APOL5: variants seen among roughly 807,000 people sequenced by gnomAD.
APOL5 encodes the protein apolipoprotein L, 5.
A neutral mutation model predicts 35.5 loss-of-function variants in APOL5; 29 were observed. That is an observed-to-expected ratio of 0.82 (90% CI 0.61 to 1.11). The LOEUF is 1.11. Ranked by LOEUF, APOL5 falls within the 50% of genes most tolerant of loss-of-function variation. APOL5 has a pLI of 0.00. For missense variants in APOL5, 514 were observed against 530.4 expected (o/e 0.97, Z 0.30); for synonymous variants, 188 against 200.2 (o/e 0.94, Z 0.51).
At chr22:35,724,286 CA>C (rs111417764) in intron 2 of APOL5, among the ~76,000 whole-genome samples, 1,142 of 111,082 alleles carry the variant, frequency 0.01, 9 homozygotes, top group African/African-American at 0.025. Flanking sequence ...AGCCCTGTCT[CA>C]AAAAAAAAAA....
intron 4 of APOL5, 125 bp downstream of exon 4, chr22:35,729,029 T>C (rs1280154196): frequency 8.8e-7 from 1 of 1,132,186 alleles, no homozygotes; most frequent in Admixed American, 3.6e-5. Flanking sequence ...TGTTGCTACC[T>C]TTCCATCCGG....
At chr22:35,721,280 C>T (rs555124307) in intron 2 of APOL5, among the ~76,000 whole-genome samples, 2 of 152,248 alleles carry the variant, frequency 1.3e-5, no homozygotes, top group East Asian at 3.9e-4. Flanking sequence ...CGGTGGCTCA[C>T]GCTTGAAATC....
At chr22:35,716,533 A>G (rs1223187208), upstream of APOL5, among the ~76,000 whole-genome samples, 1 of 152,232 alleles carries the variant, frequency 6.6e-6, no homozygotes, top group Non-Finnish European at 1.5e-5. Context: ...AAGTGCTGGG[A>G]TTACAGGCGT....
chr22:35,721,985 T>C (rs910969860), intron 2 of APOL5, among the ~76,000 whole-genome samples: 1 of 152,222 alleles, frequency 6.6e-6, no homozygotes, highest in African/African-American at 2.4e-5. Context: ...CAGACACAGG[T>C]ACAGTTATTG....
At chr22:35,724,184 C>T (rs5999980) in intron 2 of APOL5, among the ~76,000 whole-genome samples, 15,092 of 151,500 alleles carry the variant, frequency 0.1, 2,548 homozygotes, top group African/African-American at 0.35. Flanking sequence ...AAGTAAGTGT[C>T]GCTAGGTGTG....
chr22:35,728,590 TG>T (rs1216280200), intron 3 of APOL5, 132 bp from the exon 4 acceptor site: 4 of 1,020,728 alleles, frequency 3.9e-6, no homozygotes, highest in Non-Finnish European at 5.6e-6. Flanking sequence ...CCCACTGCCC[TG>T]GGGCGGGAGG....
the APOL5 span, among the ~76,000 whole-genome samples, chr22:35,708,533 A>G: frequency 6.3e-3 from 967 of 152,292 alleles, 12 homozygotes; most frequent in African/African-American, 0.021. Context: ...AATGATTTAC[A>G]CGGTAAAATC....
At chr22:35,722,634 A>G (rs899197767) in intron 2 of APOL5, among the ~76,000 whole-genome samples, 18 of 152,078 alleles carry the variant, frequency 1.2e-4, no homozygotes, top group East Asian at 3.9e-4. Context: ...CACTAACTCA[A>G]TTGTAATCAG....
intron 2 of APOL5, among the ~76,000 whole-genome samples, chr22:35,725,500 G>A (rs1386569778): frequency 3.3e-5 from 5 of 152,042 alleles, no homozygotes; most frequent in South Asian, 4.2e-4. Context: ...TGATCCGCTC[G>A]CCTGGGCCTC....
chr22:35,726,107 C>T lies in APOL5; in HGVS notation c.143-104C>T. On this transcript the variant is annotated intron_variant, in intron 2 of 4. Transcript: ENST00000249044. ...ACCCCTTTCACTGCTGTAATTTCCC[C>T]ACTGTTAGAATTTTTGCAAAGGTGG... The T allele has an allele frequency of 2.2e-6, 3 of 1,336,574 alleles. No homozygotes were observed. In the South Asian group the frequency reaches 4.3e-5, roughly 19 times the overall value. The allele number at this position is 1,336,574 out of a possible 1,614,324, so 82.8% of individuals were successfully genotyped here.
rs1279820356 is a variant in APOL5 at position 35,726,545 on chromosome 22, A to C, written c.477A>C (p.Ala159=). Reference sequence around the variant, plus strand: ...TGAACATCCTGGGTTTGGCCCTAGCACCTGTGACAGCAGGAGGCAGTCTCA... The same window carrying C: ...TGAACATCCTGGGTTTGGCCCTAGCCCCTGTGACAGCAGGAGGCAGTCTCA... ...GVMNILGLAL[A]PVTAGGSLML... is the part of the protein sequence containing the mutation. Residue 159 remains alanine, a synonymous_variant, in exon 3 of 5, where the codon GCA becomes GCC. Transcript: ENST00000249044. 6.2e-7 allele frequency: 1 copy of C among 1,614,090 alleles called. No homozygotes were observed. The highest frequency in any genetic ancestry group is 8.5e-7 in the Non-Finnish European group (1 of 1,180,018).
the APOL5 span, among the ~76,000 whole-genome samples, chr22:35,709,367 TCA>T: frequency 9.5e-3 from 1,425 of 149,846 alleles, 19 homozygotes; most frequent in East Asian, 0.044. Flanking sequence ...CACAAAATTT[TCA>T]CACACACACA....
chr22:35,711,599 T>TTCC, the APOL5 span, among the ~76,000 whole-genome samples: 3 of 77,508 alleles, frequency 3.9e-5, no homozygotes, highest in Admixed American at 3.9e-4. Flanking sequence ...TCACCATGTT[T>TTCC]TTCCTTCCTT....
At chr22:35,724,773 G>A (rs1282391912) in intron 2 of APOL5, among the ~76,000 whole-genome samples, 3 of 151,960 alleles carry the variant, frequency 2.0e-5, no homozygotes, top group Non-Finnish European at 2.9e-5. Context: ...ACCGTGCCTG[G>A]CTAATTTTTG....
At position 35,726,416 on chromosome 22, in the gene APOL5, C is replaced by T. The variant is rs771139940; in HGVS notation, c.348C>T (p.Asn116=). 1.9e-6 allele frequency: 3 copies of T among 1,613,996 alleles called. No individual in the cohort carries two copies. The highest frequency in any genetic ancestry group is 2.7e-5 in the African/African-American group (2 of 74,924). The change falls in exon 3 of 5, where the codon AAC becomes AAT. Residue 116 remains asparagine (N), a synonymous_variant. Transcript: ENST00000249044. ...TGCACAAGTTTGAGCTAGAACAGAA[C>T]ATCAAAGAACTTAACACCCTTGCGG... ...FPLHKFELEQ[N]IKELNTLADQ... is the part of the protein sequence containing the mutation.
chr22:35,713,831 C>T (rs1926661772), upstream of APOL5, among the ~76,000 whole-genome samples: 1 of 152,208 alleles, frequency 6.6e-6, no homozygotes, highest in Admixed American at 6.5e-5. Context: ...TGACTTGAGG[C>T]ACTGGATGTG....
At chr22:35,717,040 TTCTAGAGGTGGGATGCTGAGTG>T, upstream of APOL5, among the ~76,000 whole-genome samples, 1 of 150,996 alleles carries the variant, frequency 6.6e-6, no homozygotes, top group East Asian at 1.9e-4. Context: ...GTGGGTGTAT[TTCTAGAGGTGGGATGCTGAGTG>T]TCAGGCACAT....
In APOL5 at chr22:35,727,129, C is replaced by T; in HGVS notation, c.1061C>T (p.Ala354Val). 6.2e-7 allele frequency: 1 copy of T among 1,610,208 alleles called. No homozygotes were observed. Residue 354 changes from alanine (A) to valine (V), a missense_variant, in exon 3 of 5, where the codon GCG becomes GTG. Around this residue, in one of 3 missense-constraint regions of APOL5, gnomAD observed 238 missense variants for 229.1 expected, o/e 1.04. Transcript: ENST00000249044. ...TQHHRHLPQK[A>V]SQTCSSSRGR... ...CACCACCGGCACCTGCCGCAGAAGGCGAGCCAGACCTGTTCCAGCTCCCGG... is the reference window on the plus strand; with the variant it reads ...CACCACCGGCACCTGCCGCAGAAGGTGAGCCAGACCTGTTCCAGCTCCCGG...
At chr22:35,714,236 T>C (rs1926673294), upstream of APOL5, among the ~76,000 whole-genome samples, 1 of 152,078 alleles carries the variant, frequency 6.6e-6, no homozygotes, top group Non-Finnish European at 1.5e-5. Context: ...CGCTTGAACC[T>C]GGGCGGCGGA....
Sources: allele counts gnomAD v4.1 joint callset (sites outside exome capture counted in the v4.1 genomes callset), GRCh38; gene constraint gnomAD v4.1.1; regional missense constraint gnomAD v4.1.1; transcripts MANE v1.5; gene names NCBI Gene and HGNC (gene_info 2026-07-23, HGNC 2026-07-21).